Variants in RAD51B observed in about 807,000 individuals in gnomAD.
RAD51B encodes the protein RAD51 paralog B.
Under a neutral mutation model 42.2 loss-of-function variants are expected in RAD51B, and 38 were observed. The ratio of observed to expected loss-of-function variants is 0.90; its 90% CI spans 0.70 to 1.18. The LOEUF is 1.18. Among genes scored for constraint, RAD51B ranks in the 50% most tolerant of loss-of-function variants. The probability of loss-of-function intolerance (pLI) is 0.00; values close to 1 mark genes in which losing one functional copy is unlikely to be tolerated. For synonymous variants in RAD51B, 154 were observed against 145.2 expected (o/e 1.06, Z -0.43); for missense variants, 373 against 400.7 (o/e 0.93, Z 0.59).
At chr14:68,677,423 A>G (rs1306543143) in intron 11 of RAD51B, among the ~76,000 whole-genome samples, 3 of 152,156 alleles carry the variant, frequency 2.0e-5, no homozygotes, top group Non-Finnish European at 4.4e-5. Context: ...TCCAGTATGT[A>G]GTGTCTCTTC....
At chr14:68,129,445 C>T (rs1409949433) in intron 7 of RAD51B, among the ~76,000 whole-genome samples, 1 of 152,098 alleles carries the variant, frequency 6.6e-6, no homozygotes, top group Non-Finnish European at 1.5e-5. Flanking sequence ...CTACATTGTA[C>T]CTAGTGTCTG....
chr14:67,984,278 G>A (rs563518233), intron 7 of RAD51B, among the ~76,000 whole-genome samples: 3 of 152,230 alleles, frequency 2.0e-5, no homozygotes, highest in South Asian at 2.1e-4. Flanking sequence ...GTTCTTAGAA[G>A]TTATGTCAAT....
At chr14:68,096,447 T>C (rs2077196399) in intron 7 of RAD51B, among the ~76,000 whole-genome samples, 1 of 152,220 alleles carries the variant, frequency 6.6e-6, no homozygotes. Flanking sequence ...TGTGCTTAAC[T>C]CAGCTGCTTT....
At chr14:67,930,888 AT>A (rs71281751) in intron 7 of RAD51B, among the ~76,000 whole-genome samples, 23 of 132,024 alleles carry the variant, frequency 1.7e-4, no homozygotes, top group African/African-American at 3.1e-4. Flanking sequence ...TCTTTATTCA[AT>A]TTTTTTTTTG....
Position 68,289,249 on chromosome 14 carries a change from ATG to A in RAD51B, c.757-2631_757-2630del, listed in dbSNP as rs2081471183. 2.0e-5 allele frequency among the ~76,000 whole-genome samples: 3 copies of A among 152,202 alleles called. No homozygotes were observed. In the South Asian group the frequency reaches 6.2e-4, roughly 32 times the overall value. On this transcript the variant is annotated intron_variant, in intron 7 of 10. Transcript: ENST00000471583. ...TGCTTCTATTTATTGAATATTTACTATGTGTCAGATACTTTAAGTATCTTACA... is the reference window on the plus strand; with the variant it reads ...TGCTTCTATTTATTGAATATTTACTATGTCAGATACTTTAAGTATCTTACA...
At chr14:68,538,058 C>T (rs1222776078) in intron 10 of RAD51B, among the ~76,000 whole-genome samples, 2 of 152,078 alleles carry the variant, frequency 1.3e-5, no homozygotes, top group Non-Finnish European at 2.9e-5. Flanking sequence ...AGGAGGGGAC[C>T]CTGACTTGGA....
intron 7 of RAD51B, among the ~76,000 whole-genome samples, chr14:67,996,446 A>C (rs1192862816): frequency 6.6e-6 from 1 of 151,700 alleles, no homozygotes; most frequent in African/African-American, 2.4e-5. Context: ...AAATAAATAA[A>C]TAAATAAAAG....
At chr14:68,072,390 A>G (rs1194951366) in intron 7 of RAD51B, among the ~76,000 whole-genome samples, 1 of 151,846 alleles carries the variant, frequency 6.6e-6, no homozygotes. Context: ...AAGTCCCAAA[A>G]CTGAAGAACT....
intron 7 of RAD51B, among the ~76,000 whole-genome samples, chr14:68,184,150 T>C (rs1000831026): frequency 2.6e-5 from 4 of 151,506 alleles, no homozygotes; most frequent in Non-Finnish European, 5.9e-5. Context: ...TACTTGGATG[T>C]CCCAGTGGCA....
chr14:68,098,612 C>A (rs758825656), intron 7 of RAD51B, among the ~76,000 whole-genome samples: 2 of 152,112 alleles, frequency 1.3e-5, no homozygotes, highest in African/African-American at 2.4e-5. Context: ...CATCAGATCT[C>A]GTGAGACTTA....
chr14:68,619,624 A>G (rs1566956942), intron 10 of RAD51B, among the ~76,000 whole-genome samples: 1 of 152,112 alleles, frequency 6.6e-6, no homozygotes, highest in African/African-American at 2.4e-5. Flanking sequence ...TGGAAACCAA[A>G]GGTATGGTGG....
intron 10 of RAD51B, among the ~76,000 whole-genome samples, chr14:68,473,198 C>G (rs115117301): frequency 0.02 from 3,011 of 152,298 alleles, 97 homozygotes; most frequent in African/African-American, 0.069. Flanking sequence ...CACCTCCGCA[C>G]CTGGCACAGC....
At chr14:68,521,531 C>A (rs1421609344) in intron 10 of RAD51B, among the ~76,000 whole-genome samples, 2 of 152,246 alleles carry the variant, frequency 1.3e-5, no homozygotes, top group Non-Finnish European at 2.9e-5. Context: ...TAAACCAGTT[C>A]ACACAGATGT....
At chr14:68,136,030 T>G (rs2140701663) in intron 7 of RAD51B, among the ~76,000 whole-genome samples, 1 of 152,298 alleles carries the variant, frequency 6.6e-6, no homozygotes, top group South Asian at 2.1e-4. Context: ...GACTCTATAT[T>G]AGTTTTAAGG....
chr14:67,939,957 A>G (rs1337247469), intron 7 of RAD51B, among the ~76,000 whole-genome samples: 2 of 142,554 alleles, frequency 1.4e-5, no homozygotes, highest in African/African-American at 5.2e-5. Flanking sequence ...TATGCCTCAT[A>G]ACATACATTA....
chr14:67,843,143 C>A (rs1436536584), intron 4 of RAD51B, among the ~76,000 whole-genome samples: 1 of 143,064 alleles, frequency 7.0e-6, no homozygotes, highest in African/African-American at 2.6e-5. Context: ...TTTTTTTTTT[C>A]TTTTTTTAAA....
chr14:68,411,392 T>C (rs2084415401), intron 8 of RAD51B, 32 bp from the exon 9 acceptor site: 2 of 1,582,098 alleles, frequency 1.3e-6, no homozygotes, highest in Non-Finnish European at 1.7e-6. Flanking sequence ...AGAAAGGGCA[T>C]CTGAAAGCGT....
rs376727460 is a variant in RAD51B at position 67,822,630 on chromosome 14, G to A, written c.-2-912G>A. 7.9e-5 allele frequency among the ~76,000 whole-genome samples: 12 copies of A among 151,904 alleles called. No homozygotes were observed. In the East Asian group the frequency reaches 1.9e-3, roughly 24 times the overall value. ...CCCAGCTACTTGGGAGGCTGAGGTAGGAGGATTGCTTGAGCCCAGGAGGGG... is the reference window on the plus strand; with the variant it reads ...CCCAGCTACTTGGGAGGCTGAGGTAAGAGGATTGCTTGAGCCCAGGAGGGG... On this transcript the variant is annotated intron_variant, in intron 1 of 10. Coordinates refer to ENST00000471583, the MANE Select transcript of RAD51B (RefSeq NM_133510.4).
chr14:68,121,887 A>T lies in RAD51B; in HGVS notation c.757-169997A>T, dbSNP rs535486624. ...GACTGTGGTGCTGGTATAGATAGTT[A>T]AATGGAAAAAAATGGGACATCCAAA... On this transcript the variant is annotated intron_variant, in intron 7 of 10. Coordinates refer to ENST00000471583, the MANE Select transcript of RAD51B (RefSeq NM_133510.4). Among the ~76,000 whole-genome samples the T allele has an allele frequency of 4.0e-5, 6 of 151,748 alleles. No individual in the cohort carries two copies. In the South Asian group the frequency reaches 1.2e-3, roughly 31 times the overall value.
Sources: allele counts gnomAD v4.1 joint callset (sites outside exome capture counted in the v4.1 genomes callset), GRCh38; gene constraint gnomAD v4.1.1; transcripts MANE v1.5; gene names NCBI Gene and HGNC (gene_info 2026-07-23, HGNC 2026-07-21).